WDR59: variants seen among roughly 807,000 people sequenced by gnomAD.
WDR59 encodes the protein WD repeat domain 59.
WDR59 carries 100 observed loss-of-function variants against 131.2 expected under a neutral mutation model. The observed-to-expected ratio is 0.76, with a 90% CI of 0.65 to 0.90. The LOEUF is 0.90. WDR59 is among the 40% of genes least tolerant of loss of function. The probability of loss-of-function intolerance (pLI) is 0.00; values close to 1 mark genes in which losing one functional copy is unlikely to be tolerated. For missense variants in WDR59, 1,203 were observed against 1,262.2 expected (o/e 0.95, Z 0.71); for synonymous variants, 601 against 466.2 (o/e 1.29, Z -3.72).
rs374018094 is a variant in WDR59, at chr16:74,919,322, C to CT, written c.887-1315dup. Among the ~76,000 whole-genome samples, 77 of 146,656 alleles carry CT rather than the reference C, an allele frequency of 5.3e-4. 1 individual carries two copies. The highest frequency in any genetic ancestry group is 1.5e-3 in the South Asian group (7 of 4,590). Reference sequence around the variant, plus strand: ...TCTCCTCAATTTGCTCTTGGAACACCTTTTTTTTTTTAATTTTTTGTATTT... The same window carrying CT: ...TCTCCTCAATTTGCTCTTGGAACACCTTTTTTTTTTTTAATTTTTTGTATTT... On this transcript the variant is annotated intron_variant, in intron 10 of 25. Coordinates refer to ENST00000262144, the MANE Select transcript of WDR59 (RefSeq NM_030581.4).
At chr16:74,907,872 A>T (rs1965894266) in intron 17 of WDR59, among the ~76,000 whole-genome samples, 1 of 152,226 alleles carries the variant, frequency 6.6e-6, no homozygotes, top group Non-Finnish European at 1.5e-5. Context: ...GATGATCCCC[A>T]TGTTACTGTT....
intron 3 of WDR59, among the ~76,000 whole-genome samples, chr16:74,954,268 C>T (rs1026076667): frequency 7.9e-5 from 12 of 151,878 alleles, no homozygotes; most frequent in African/African-American, 2.7e-4. Context: ...ATTAGCCAGG[C>T]GTGATCATGT....
intron 2 of WDR59, among the ~76,000 whole-genome samples, chr16:74,963,421 G>A (rs1362171745): frequency 6.6e-6 from 1 of 152,106 alleles, no homozygotes; most frequent in Non-Finnish European, 1.5e-5. Flanking sequence ...AAAAAGGAAA[G>A]AGATCATGTA....
At chr16:74,981,635 TATATATA>T (rs2034416254) in intron 1 of WDR59, among the ~76,000 whole-genome samples, 4 of 25,740 alleles carry the variant, frequency 1.6e-4, no homozygotes, top group African/African-American at 6.4e-4. Context: ...TATATATATA[TATATATA>T]TATATATATA....
intron 3 of WDR59, among the ~76,000 whole-genome samples, chr16:74,956,033 G>T (rs908811595): frequency 6.6e-6 from 1 of 152,098 alleles, no homozygotes; most frequent in Non-Finnish European, 1.5e-5. Context: ...CCCAATCAAG[G>T]AAGAATCCCT....
intron 23 of WDR59, 41 bp from the exon 24 acceptor site, chr16:74,886,437 A>C (rs1346035291): frequency 3.1e-5 from 49 of 1,603,490 alleles, no homozygotes; most frequent in Non-Finnish European, 4.2e-5. Flanking sequence ...GCAATCAGAG[A>C]AGGCATGGAA....
intron 6 of WDR59, 35 bp from the exon 7 acceptor site, chr16:74,942,861 C>G (rs771800224): frequency 6.3e-7 from 1 of 1,599,828 alleles, no homozygotes; most frequent in East Asian, 2.2e-5. Context: ...AGCTGCTGCC[C>G]TTGGTGCTTT....
intron 17 of WDR59, among the ~76,000 whole-genome samples, chr16:74,905,950 C>T (rs1174268598): frequency 6.6e-6 from 1 of 151,870 alleles, no homozygotes; most frequent in East Asian, 1.9e-4. Context: ...AAAAAAGATA[C>T]CCAAATGGTC....
chr16:74,934,886 G>A (rs2031676618), intron 8 of WDR59, among the ~76,000 whole-genome samples: 1 of 152,022 alleles, frequency 6.6e-6, no homozygotes, highest in Non-Finnish European at 1.5e-5. Flanking sequence ...TTTCCTTGAG[G>A]GTTGATGTCC....
At chr16:74,981,568 ACATATAT>A (rs1438033537) in intron 1 of WDR59, among the ~76,000 whole-genome samples, 6 of 144,366 alleles carry the variant, frequency 4.2e-5, no homozygotes, top group Non-Finnish European at 7.5e-5. Flanking sequence ...ACACATATAT[ACATATAT>A]ATTTTTTGTA....
chr16:74,976,643 G>A (rs1027601701), intron 1 of WDR59, among the ~76,000 whole-genome samples: 6 of 151,974 alleles, frequency 3.9e-5, no homozygotes, highest in Non-Finnish European at 7.4e-5. Context: ...GGGTTTCACT[G>A]TGTTAGCCAG....
intron 2 of WDR59, chr16:74,959,482 A>G: frequency 4.5e-6 from 2 of 442,538 alleles, no homozygotes; most frequent in South Asian, 3.2e-5. Flanking sequence ...AAAAGCCTTC[A>G]TGGTTGGAAG....
chr16:74,929,765 G>T (rs946528748), intron 8 of WDR59, among the ~76,000 whole-genome samples: 1 of 152,152 alleles, frequency 6.6e-6, no homozygotes, highest in East Asian at 1.9e-4. Flanking sequence ...AATAGCCAAG[G>T]TCTAGAAGCA....
chr16:74,978,150 T>C (rs2034262324), intron 1 of WDR59, among the ~76,000 whole-genome samples: 1 of 151,882 alleles, frequency 6.6e-6, no homozygotes, highest in Non-Finnish European at 1.5e-5. Flanking sequence ...GGTCAGGAGT[T>C]CAAGACCAGC....
At chr16:74,958,662 G>A (rs2145170475) in intron 2 of WDR59, among the ~76,000 whole-genome samples, 1 of 140,034 alleles carries the variant, frequency 7.1e-6, no homozygotes, top group African/African-American at 2.6e-5. Flanking sequence ...AGAAATGAGT[G>A]TGAAGCAAGT....
intron 4 of WDR59, 50 bp from the exon 5 acceptor site, chr16:74,949,848 T>A (rs752873281): frequency 2.5e-5 from 40 of 1,572,648 alleles, no homozygotes; most frequent in Non-Finnish European, 3.3e-5. Flanking sequence ...AAATTCAGAG[T>A]CCAGGTCCAA....
chr16:74,977,401 C>A (rs1645385071), intron 1 of WDR59, among the ~76,000 whole-genome samples: 1 of 152,032 alleles, frequency 6.6e-6, no homozygotes, highest in Non-Finnish European at 1.5e-5. Context: ...AAGAAAGAGA[C>A]AATGCAGCCG....
intron 7 of WDR59, among the ~76,000 whole-genome samples, 168 bp from the exon 8 acceptor site, chr16:74,938,434 C>A (rs938517910): frequency 1.3e-5 from 2 of 152,212 alleles, no homozygotes; most frequent in Non-Finnish European, 2.9e-5. Flanking sequence ...AACACCATCA[C>A]CAAAAGACTT....
At chr16:74,902,636 G>T (rs1210061194) in intron 18 of WDR59, among the ~76,000 whole-genome samples, 2 of 152,046 alleles carry the variant, frequency 1.3e-5, no homozygotes, top group South Asian at 2.1e-4. Context: ...CTGCCTCTTG[G>T]ATTGAAAGAC....
Sources: gnomAD v4.1 joint callset for allele counts (sites outside exome capture counted in the v4.1 genomes callset) on GRCh38, gnomAD v4.1.1 for gene constraint, MANE v1.5 for transcripts, NCBI Gene and HGNC (gene_info 2026-07-23, HGNC 2026-07-21) for gene names.